Variants in ZNF398 observed in about 807,000 individuals in gnomAD.
The protein encoded by ZNF398 is zinc finger DNA binding protein ZER6.
Under a neutral mutation model 41.9 loss-of-function variants are expected in ZNF398, and 18 were observed. That is an observed-to-expected ratio of 0.43 (90% CI 0.30 to 0.64). ZNF398 has a LOEUF of 0.64. Ranked by LOEUF, ZNF398 falls within the 30% of genes least tolerant of loss-of-function variation. ZNF398 has a pLI of 0.14. For synonymous variants in ZNF398, 260 were observed against 308.8 expected (o/e 0.84, Z 1.66); for missense variants, 669 against 822.8 (o/e 0.81, Z 2.29).
At position 149,150,733 on chromosome 7, in the gene ZNF398, CAG is replaced by C. The variant is rs979238288; in HGVS notation, c.24+2970_24+2971del. 3.3e-5 allele frequency among the ~76,000 whole-genome samples: 5 copies of C among 151,762 alleles called. No homozygotes were observed. The East Asian group carries it at 5.9e-4, about 18-fold the overall frequency. ...CCCCCGCCTCCCCTCCTGCCCTAGA[CAG>C]AGTCTTGCTCTGTCACCATGCTGGA... On this transcript the variant is annotated intron_variant, in intron 1 of 5. Transcript: ENST00000475153.
intron 4 of ZNF398, among the ~76,000 whole-genome samples, chr7:149,175,367 A>G (rs1013541366): frequency 6.6e-6 from 1 of 151,756 alleles, no homozygotes; most frequent in African/African-American, 2.4e-5. Flanking sequence ...TAATAAAGCC[A>G]TATAGGCCTA....
In ZNF398 at chr7:149,170,465, C is replaced by T. The variant is rs958706946; in HGVS notation, c.661+3535C>T. On this transcript the variant is annotated intron_variant, in intron 4 of 5. Coordinates refer to ENST00000475153, the MANE Select transcript of ZNF398 (RefSeq NM_170686.3). The stretch of plus-strand genomic sequence containing the variant: ...TAAAAGATACAAAATGAGCTGGGCA[C>T]AGTGGCTCATGCCTATAATCCCAGC... 7.9e-5 allele frequency among the ~76,000 whole-genome samples: 12 copies of T among 152,138 alleles called. No homozygotes were observed. In the East Asian group the frequency reaches 1.9e-3, roughly 24 times the overall value.
intron 5 of ZNF398, among the ~76,000 whole-genome samples, chr7:149,178,058 G>A (rs144688131): frequency 0.011 from 1,638 of 152,192 alleles, 28 homozygotes; most frequent in African/African-American, 0.037. Flanking sequence ...TTGGGAGGCC[G>A]AGGTGGGTGG....
rs757578727 is a variant in ZNF398 at position 149,155,683 on chromosome 7, TTATATA to T, written c.420+1363_420+1368del. 7.3e-3 allele frequency among the ~76,000 whole-genome samples: 804 copies of T among 110,758 alleles called. 5 individuals are homozygous for T. The highest frequency in any genetic ancestry group is 0.01 in the African/African-American group (296 of 29,358). The allele number at this position is 110,758 out of a possible 152,430, so 72.7% of individuals were successfully genotyped here. A position where few individuals can be genotyped will look rare whatever the true frequency, so the allele number is the denominator to read the frequency against. The stretch of plus-strand genomic sequence containing the variant: ...TTTGAAGCAGAGGAATTATATTTGG[TTATATA>T]TATATATATATATATATATTTTTTT... On this transcript the variant is annotated intron_variant, in intron 2 of 5. Coordinates refer to ENST00000475153, the MANE Select transcript of ZNF398 (RefSeq NM_170686.3).
intron 4 of ZNF398, among the ~76,000 whole-genome samples, chr7:149,173,560 G>A (rs769197860): frequency 6.6e-6 from 1 of 152,074 alleles, no homozygotes; most frequent in Non-Finnish European, 1.5e-5. Context: ...TGTTTTACAG[G>A]GATGAAAACA....
intron 2 of ZNF398, among the ~76,000 whole-genome samples, chr7:149,164,970 C>T (rs1202447): frequency 0.97 from 147,368 of 151,976 alleles, 71,467 homozygotes; most frequent in East Asian, 0.99. Context: ...GGCGGGTGCC[C>T]GTAATCCTGG....
In ZNF398 at chr7:149,155,257, T is replaced by C. The variant is rs570257132; in HGVS notation, c.420+917T>C. Among the ~76,000 whole-genome samples, 5 of 152,020 alleles carry C rather than the reference T, an allele frequency of 3.3e-5. No individual in the cohort carries two copies. The East Asian group carries it at 7.7e-4, about 23-fold the overall frequency. ...CAACAAGGCGAAACCCCATCTCTAT[T>C]AAACATACAAAAATTAGCTGGGCTT... is the stretch of plus-strand genomic sequence containing the variant. On this transcript the variant is annotated intron_variant, in intron 2 of 5. Transcript: ENST00000475153.
At chr7:149,178,555 C>A in intron 5 of ZNF398, 93 bp from the exon 6 acceptor site, 1 of 1,071,542 alleles carries the variant, frequency 9.3e-7, no homozygotes, top group South Asian at 1.5e-5. Flanking sequence ...CTGATCTGAG[C>A]TTCGAGTGAT....
At position 149,178,291 on chromosome 7, in the gene ZNF398, C is replaced by CA. The variant is rs565678658; in HGVS notation, c.776-345dup. Among the ~76,000 whole-genome samples the CA allele has an allele frequency of 8.5e-3, 1,164 of 137,382 alleles. 12 individuals are homozygous for CA. The highest frequency in any genetic ancestry group is 0.026 in the African/African-American group (973 of 37,482). 90.1% of individuals were successfully genotyped at this position (137,382 alleles called of 152,430 possible). A position where few individuals can be genotyped will look rare whatever the true frequency, so the allele number is the denominator to read the frequency against. On this transcript the variant is annotated intron_variant, in intron 5 of 5. Transcript: ENST00000475153. ...TGGGCGACAGAGCGAGACTCCGTCT[C>CA]AAAAAAAAAAAATTACCTGAGCACG...
chr7:149,160,069 G>A (rs1795073299), intron 2 of ZNF398, among the ~76,000 whole-genome samples: 1 of 40,388 alleles, frequency 2.5e-5, no homozygotes, highest in East Asian at 1.7e-3. Flanking sequence ...AATGATAAAA[G>A]GAGGATAATT....
At position 149,179,711 on chromosome 7, in the gene ZNF398, T is replaced by G. The variant is rs577947703; in HGVS notation, c.1839T>G (p.Thr613=). The change falls in exon 6 of 6, where the codon ACT becomes ACG. Residue 613 remains threonine (T), a synonymous_variant. Coordinates refer to ENST00000475153, the MANE Select transcript of ZNF398 (RefSeq NM_170686.3). The surrounding 1 kb of genome is among the most constrained non-coding windows in gnomAD (Gnocchi z 6.1). The part of the protein sequence containing the change: ...QPPNPPGPLI[T]GLETSGLGVN... ...CCAACCCACCAGGTCCCCTCATAAC[T>G]GGGCTTGAAACTTCTGGCCTGGGTG... 1.9e-6 allele frequency: 3 copies of G among 1,614,114 alleles called. No homozygotes were observed. The Admixed American group carries it at 5.0e-5, about 27-fold the overall frequency.
intron 4 of ZNF398, among the ~76,000 whole-genome samples, chr7:149,176,108 G>A (rs1462813220): frequency 5.3e-5 from 8 of 152,082 alleles, no homozygotes; most frequent in East Asian, 1.9e-4. Flanking sequence ...CAAGGTGGGC[G>A]GATCATGAGG....
intron 2 of ZNF398, among the ~76,000 whole-genome samples, chr7:149,156,308 C>T (rs2129520533): frequency 6.6e-6 from 1 of 150,826 alleles, no homozygotes; most frequent in South Asian, 2.1e-4. Context: ...AGTTTGAGAC[C>T]AGCCTGGCCA....
At chr7:149,158,106 CAAAA>C (rs1272093024) in intron 2 of ZNF398, among the ~76,000 whole-genome samples, 1 of 151,548 alleles carries the variant, frequency 6.6e-6, no homozygotes, top group Non-Finnish European at 1.5e-5. Context: ...AAATAAAAAT[CAAAA>C]AGAAGGAAAG....
chr7:149,155,731 A>ATTTTTTTTTTTTTTTTTTTTTTTTTTTTT (rs1235445656), intron 2 of ZNF398, among the ~76,000 whole-genome samples: 2 of 56,928 alleles, frequency 3.5e-5, no homozygotes, highest in Non-Finnish European at 3.6e-5. Flanking sequence ...TTTTTTTTTA[A>ATTTTTTTTTTTTTTTTTTTTTTTTTTTTT]TTTTTTTTTT....
At chr7:149,142,865 C>T (rs186362551), upstream of ZNF398, among the ~76,000 whole-genome samples, 110 of 152,220 alleles carry the variant, frequency 7.2e-4, no homozygotes, top group African/African-American at 2.5e-3. Flanking sequence ...CGGAAACGCA[C>T]GAACGTCGAA....
intron 2 of ZNF398, among the ~76,000 whole-genome samples, chr7:149,132,791 AG>A (rs1390134094): frequency 2.0e-5 from 3 of 152,146 alleles, no homozygotes; most frequent in Non-Finnish European, 2.9e-5. Flanking sequence ...CAGAAGATGG[AG>A]CCGCCATTTT....
chr7:149,166,126 GA>G, intron 2 of ZNF398, 31 bp from the exon 3 acceptor site: 1 of 1,576,870 alleles, frequency 6.3e-7, no homozygotes, highest in Admixed American at 2.0e-5. Flanking sequence ...AATTATAATG[GA>G]AGGGACTAAC....
chr7:149,179,450 G>A lies in ZNF398; in HGVS notation c.1578G>A (p.Leu526=). 6.2e-7 allele frequency: 1 copy of A among 1,614,098 alleles called. No individual in the cohort carries two copies. Among genetic ancestry groups the A allele is most frequent in the Non-Finnish European group, 8.5e-7 (1 of 1,180,046 alleles). ...AGAGCTTCATGCGCAAGGAGCACCT[G>A]CTGAACCACCGGCGGCTGCACACAG... ...CSKSFMRKEH[L]LNHRRLHTGE... is the part of the protein sequence containing the mutation. The change falls in exon 6 of 6, where the codon CTG becomes CTA. Residue 526 remains leucine (L), a synonymous_variant. Transcript: ENST00000475153. This position sits in a 1 kb window ranked among gnomAD's most constrained non-coding sequence, Gnocchi z 6.1.
Sources: gnomAD v4.1 joint callset for allele counts (sites outside exome capture counted in the v4.1 genomes callset) on GRCh38, gnomAD v4.1.1 for gene constraint, Gnocchi (gnomAD v3.1) non-coding constraint, MANE v1.5 for transcripts, NCBI Gene and HGNC (gene_info 2026-07-23, HGNC 2026-07-21) for gene names.